Variants in PTPRN2 observed in about 807,000 individuals in gnomAD.
The protein encoded by PTPRN2 is protein tyrosine phosphatase receptor type N2, also known as receptor-type tyrosine-protein phosphatase N2.
In PTPRN2, 74 loss-of-function variants were observed where a neutral mutation model predicts 118.8. That is an observed-to-expected ratio of 0.62 (90% CI 0.52 to 0.76). The LOEUF (loss-of-function observed/expected upper bound fraction) is 0.76, where lower values mean the gene tolerates loss of function less well. PTPRN2 is among the 30% of genes least tolerant of loss of function. PTPRN2 has a pLI of 0.00. For synonymous variants in PTPRN2, 641 were observed against 608.0 expected (o/e 1.05, Z -0.80); for missense variants, 1,481 against 1,394.4 (o/e 1.06, Z -0.99).
chr7:158,499,958 C>T (rs1187237790), intron 1 of PTPRN2, among the ~76,000 whole-genome samples: 1 of 142,572 alleles, frequency 7.0e-6, no homozygotes, highest in Non-Finnish European at 1.5e-5. Flanking sequence ...TTTAAATATA[C>T]ATTGTAATTT....
intron 12 of PTPRN2, among the ~76,000 whole-genome samples, chr7:157,806,480 T>C (rs573674397): frequency 6.6e-6 from 1 of 152,350 alleles, no homozygotes; most frequent in African/African-American, 2.4e-5. Flanking sequence ...ATGTCTGGTA[T>C]ATATGTATAT....
chr7:157,880,033 T>C (rs979967466), intron 12 of PTPRN2, among the ~76,000 whole-genome samples: 14 of 152,198 alleles, frequency 9.2e-5, no homozygotes, highest in African/African-American at 3.4e-4. Context: ...TGACAGTCCT[T>C]GAGATAATCC....
intron 1 of PTPRN2, among the ~76,000 whole-genome samples, chr7:158,581,306 G>T (rs1021985577): frequency 6.6e-6 from 1 of 152,120 alleles, no homozygotes; most frequent in Non-Finnish European, 1.5e-5. Context: ...AAATACCTAT[G>T]CGGGTTATTC....
chr7:157,872,952 G>C (rs1330996440), intron 12 of PTPRN2, among the ~76,000 whole-genome samples: 1 of 152,226 alleles, frequency 6.6e-6, no homozygotes, highest in Admixed American at 6.5e-5. Context: ...GGTGGTGCTT[G>C]TCCTCTTCCT....
At chr7:158,205,102 AAAT>A (rs1217809498) in intron 4 of PTPRN2, 66 bp downstream of exon 4, 3 of 1,290,476 alleles carry the variant, frequency 2.3e-6, no homozygotes, top group Non-Finnish European at 1.1e-6. Flanking sequence ...ACAAACAAAC[AAAT>A]AATAAGTGTA....
chr7:158,403,282 A>G (rs1813084794), intron 2 of PTPRN2, among the ~76,000 whole-genome samples: 1 of 152,232 alleles, frequency 6.6e-6, no homozygotes, highest in South Asian at 2.1e-4. Context: ...TGAAAGACAC[A>G]AACGCACCCA....
At chr7:158,490,252 G>A (rs1821347484) in intron 1 of PTPRN2, among the ~76,000 whole-genome samples, 1 of 152,252 alleles carries the variant, frequency 6.6e-6, no homozygotes, top group Non-Finnish European at 1.5e-5. Flanking sequence ...GGCTGCGTGG[G>A]AAGCAAACCG....
At chr7:158,471,077 G>T (rs971386589) in intron 2 of PTPRN2, among the ~76,000 whole-genome samples, 2 of 152,080 alleles carry the variant, frequency 1.3e-5, no homozygotes, top group Non-Finnish European at 2.9e-5. Flanking sequence ...CCATGTCAAA[G>T]GTTTTTTTTG....
intron 9 of PTPRN2, among the ~76,000 whole-genome samples, chr7:158,126,837 G>A (rs931069692): frequency 7.2e-5 from 11 of 152,272 alleles, no homozygotes; most frequent in Admixed American, 1.3e-4. Flanking sequence ...TGGAGAGACC[G>A]AAGCCCCCAC....
At chr7:158,352,017 GACCGC>G in intron 2 of PTPRN2, among the ~76,000 whole-genome samples, 1 of 122,524 alleles carries the variant, frequency 8.2e-6, no homozygotes, top group African/African-American at 3.1e-5. Context: ...CTCCCCTCCT[GACCGC>G]TCCCCTCCTG....
At position 157,590,471 on chromosome 7, in the gene PTPRN2, T is replaced by C. The variant is rs1278388881; in HGVS notation, c.2496+4767A>G. Among the ~76,000 whole-genome samples the C allele has an allele frequency of 6.6e-6, 1 of 152,254 alleles. No individual in the cohort carries two copies. The highest frequency in any genetic ancestry group is 2.4e-5 in the African/African-American group (1 of 41,474). On this transcript the variant is annotated intron_variant, in intron 17 of 22. Transcript: ENST00000389418. This position sits in a 1 kb window ranked among gnomAD's most constrained non-coding sequence, Gnocchi z 4.0. ...AATGAATTTATTTTTAGGAATTTCTTGATGTAAGTCAAATTTTGGAAATCA... is the reference window on the plus strand; with the variant it reads ...AATGAATTTATTTTTAGGAATTTCTCGATGTAAGTCAAATTTTGGAAATCA...
In PTPRN2 at chr7:157,901,781, T is replaced by C. The variant is rs368535801; in HGVS notation, c.1724-3044A>G. On this transcript the variant is annotated intron_variant, in intron 11 of 22. Coordinates refer to ENST00000389418, the MANE Select transcript of PTPRN2 (RefSeq NM_002847.5). ...TTTCCTGGGTCCTGAGGCGGGGCCT[T>C]CCCGTCCGTGTTTCCTGGGTCCTGA... is the stretch of plus-strand genomic sequence containing the variant. 1.2e-3 allele frequency among the ~76,000 whole-genome samples: 115 copies of C among 92,138 alleles called. 4 individuals are homozygous for C. Among genetic ancestry groups the C allele is most frequent in the Non-Finnish European group, 2.0e-3 (75 of 36,988 alleles). 60.4% of individuals were successfully genotyped at this position (92,138 alleles called of 152,430 possible). A position where few individuals can be genotyped will look rare whatever the true frequency, so the allele number is the denominator to read the frequency against.
At position 157,748,760 on chromosome 7, in the gene PTPRN2, G is replaced by A. The variant is rs1186741476; in HGVS notation, c.1789-65823C>T. Among the ~76,000 whole-genome samples, 8 of 121,444 alleles carry A rather than the reference G, an allele frequency of 6.6e-5. No individual in the cohort carries two copies. In the South Asian group the frequency reaches 2.0e-3, roughly 31 times the overall value. 79.7% of individuals were successfully genotyped at this position (121,444 alleles called of 152,430 possible). A position where few individuals can be genotyped will look rare whatever the true frequency, so the allele number is the denominator to read the frequency against. ...TGTGGGCTGTCCGGGTGATTCTGAGGCCTGCGTCCCTGAGCTGTGGGCTGT... is the reference window on the plus strand; with the variant it reads ...TGTGGGCTGTCCGGGTGATTCTGAGACCTGCGTCCCTGAGCTGTGGGCTGT... On this transcript the variant is annotated intron_variant, in intron 12 of 22. Coordinates refer to ENST00000389418, the MANE Select transcript of PTPRN2 (RefSeq NM_002847.5).
chr7:158,054,016 C>CGCAGAGACTCCAGAGAT (rs755437762), intron 11 of PTPRN2, among the ~76,000 whole-genome samples: 2 of 120,520 alleles, frequency 1.7e-5, no homozygotes, highest in East Asian at 4.3e-4. Flanking sequence ...ACCCTAGAGA[C>CGCAGAGACTCCAGAGAT]GCAGAGACTC....
intron 5 of PTPRN2, among the ~76,000 whole-genome samples, chr7:158,175,617 CT>C (rs1019977881): frequency 6.6e-6 from 1 of 152,132 alleles, no homozygotes; most frequent in Non-Finnish European, 1.5e-5. Flanking sequence ...GACAAAATAA[CT>C]TTTTTGCATT....
At chr7:158,389,137 G>A (rs1428915195) in intron 2 of PTPRN2, among the ~76,000 whole-genome samples, 4 of 152,230 alleles carry the variant, frequency 2.6e-5, no homozygotes, top group Non-Finnish European at 4.4e-5. Context: ...ACAGGCGTCC[G>A]AAGGGCCACA....
At chr7:157,958,063 A>G (rs183291761) in intron 11 of PTPRN2, among the ~76,000 whole-genome samples, 1 of 152,202 alleles carries the variant, frequency 6.6e-6, no homozygotes, top group Non-Finnish European at 1.5e-5. Context: ...ACCAAGTGGG[A>G]TGTATTCCTA....
At chr7:158,270,769 C>CCTCCACCTGGGCCGCCCT (rs1347655310) in intron 3 of PTPRN2, among the ~76,000 whole-genome samples, 1 of 136,202 alleles carries the variant, frequency 7.3e-6, no homozygotes, top group African/African-American at 3.0e-5. Flanking sequence ...TGGACCACCC[C>CCTCCACCTGGGCCGCCCT]GTCCACCTGG....
intron 2 of PTPRN2, among the ~76,000 whole-genome samples, chr7:158,333,463 C>G (rs1804913264): frequency 6.8e-6 from 1 of 147,402 alleles, no homozygotes; most frequent in African/African-American, 2.7e-5. Flanking sequence ...CTCACACCCA[C>G]ACTCTCTCCA....
Sources: gnomAD v4.1 joint callset for allele counts (sites outside exome capture counted in the v4.1 genomes callset) on GRCh38, gnomAD v4.1.1 for gene constraint, Gnocchi (gnomAD v3.1) non-coding constraint, MANE v1.5 for transcripts, NCBI Gene and HGNC (gene_info 2026-07-23, HGNC 2026-07-21) for gene names.